The following PLD5 variants were observed in gnomAD, a reference collection of about 807,000 sequenced individuals.
The protein encoded by PLD5 is phospholipase D family member 5.
Under a neutral mutation model 61.1 loss-of-function variants are expected in PLD5, and 36 were observed. The ratio of observed to expected loss-of-function variants is 0.59; its 90% CI spans 0.45 to 0.78. PLD5 has a LOEUF of 0.78. Ranked by LOEUF, PLD5 falls within the 30% of genes least tolerant of loss-of-function variation. PLD5 has a pLI of 0.00. For synonymous variants in PLD5, 243 were observed against 242.8 expected (o/e 1.00, Z -0.01); for missense variants, 515 against 644.4 (o/e 0.80, Z 2.17).
chr1:242,369,983 C>A (rs1661545104), intron 1 of PLD5, among the ~76,000 whole-genome samples: 1 of 152,118 alleles, frequency 6.6e-6, no homozygotes, highest in East Asian at 1.9e-4. Flanking sequence ...TTCAACCCTC[C>A]ATTTTATGTT....
intron 5 of PLD5, among the ~76,000 whole-genome samples, chr1:242,164,167 G>GA (rs34329270): frequency 0.36 from 52,012 of 145,648 alleles, 9,217 homozygotes; most frequent in South Asian, 0.47. Context: ...TCTGAATGCA[G>GA]AAAAAAAAAA....
intron 5 of PLD5, among the ~76,000 whole-genome samples, chr1:242,186,801 G>A (rs749972125): frequency 6.6e-6 from 1 of 152,158 alleles, no homozygotes; most frequent in Non-Finnish European, 1.5e-5. Context: ...AGTCATGGAC[G>A]CAAAGGAATC....
chr1:242,157,502 T>G (rs1182893525), intron 5 of PLD5, among the ~76,000 whole-genome samples: 1 of 152,180 alleles, frequency 6.6e-6, no homozygotes, highest in East Asian at 1.9e-4. Context: ...TTATCTAACT[T>G]TGGTCTTTGA....
intron 2 of PLD5, among the ~76,000 whole-genome samples, chr1:242,341,254 G>C (rs1659815609): frequency 6.6e-6 from 1 of 150,878 alleles, no homozygotes; most frequent in Non-Finnish European, 1.5e-5. Flanking sequence ...AGTCTGTTAA[G>C]ACCACTCTAA....
chr1:242,338,592 TC>T (rs1659660530), intron 2 of PLD5, among the ~76,000 whole-genome samples: 1 of 152,278 alleles, frequency 6.6e-6, no homozygotes, highest in Non-Finnish European at 1.5e-5. Flanking sequence ...TTCTGCTGCT[TC>T]TCAGAGTGGT....
upstream of PLD5, among the ~76,000 whole-genome samples, chr1:242,525,302 G>C (rs1241271104): frequency 6.6e-6 from 1 of 151,362 alleles, no homozygotes; most frequent in Non-Finnish European, 1.5e-5. Context: ...TGTCCACCTA[G>C]AACCGGGCTC....
intron 8 of PLD5, among the ~76,000 whole-genome samples, chr1:242,103,113 C>T (rs1660806499): frequency 6.6e-6 from 1 of 152,078 alleles, no homozygotes; most frequent in Admixed American, 6.5e-5. Flanking sequence ...AGCAAATGTA[C>T]CATATGGTAT....
intron 1 of PLD5, among the ~76,000 whole-genome samples, chr1:242,482,315 G>A (rs1233233004): frequency 6.6e-6 from 1 of 152,088 alleles, no homozygotes; most frequent in Non-Finnish European, 1.5e-5. Context: ...CTTGAAAAAA[G>A]ATTAGATGAA....
At chr1:242,404,114 T>A (rs1055833601) in intron 1 of PLD5, among the ~76,000 whole-genome samples, 1 of 152,160 alleles carries the variant, frequency 6.6e-6, no homozygotes, top group African/African-American at 2.4e-5. Flanking sequence ...TGGAGCTCAC[T>A]GTCTAGAGAG....
Position 242,306,345 on chromosome 1 carries a change from T to G in PLD5, c.327-17815A>C, listed in dbSNP as rs575168036. 6.1e-4 allele frequency among the ~76,000 whole-genome samples: 93 copies of G among 151,328 alleles called. 1 individual carries two copies. The highest frequency in any genetic ancestry group is 2.2e-3 in the African/African-American group (90 of 41,224). On this transcript the variant is annotated intron_variant, in intron 2 of 9. Transcript: ENST00000536534. ...CACCACACACACATAGTACTTGATC[T>G]TCTTAGGATGGGTCATATGGTTACT...
chr1:242,391,778 G>A (rs939638030), intron 1 of PLD5, among the ~76,000 whole-genome samples: 1 of 152,196 alleles, frequency 6.6e-6, no homozygotes. Context: ...TTGGGGAGCA[G>A]TTAGGGAGGA....
intron 5 of PLD5, among the ~76,000 whole-genome samples, chr1:242,191,708 T>C (rs1454224531): frequency 6.6e-6 from 1 of 151,940 alleles, no homozygotes; most frequent in Non-Finnish European, 1.5e-5. Context: ...ACAGATAGAA[T>C]GCTAGACGTA....
At chr1:242,252,046 G>A (rs560316990) in intron 4 of PLD5, among the ~76,000 whole-genome samples, 64 of 152,298 alleles carry the variant, frequency 4.2e-4, no homozygotes, top group African/African-American at 1.5e-3. Context: ...GACATAGAGT[G>A]TGAGTATAGC....
intron 5 of PLD5, among the ~76,000 whole-genome samples, chr1:242,215,549 G>A (rs897568004): frequency 6.6e-6 from 1 of 152,196 alleles, no homozygotes; most frequent in African/African-American, 2.4e-5. Flanking sequence ...ATGGAAAGAT[G>A]TGAACAGTAA....
chr1:242,086,528 T>C lies in PLD5; in HGVS notation c.*3326A>G, dbSNP rs1659485905. Reference sequence around the variant, plus strand: ...TTGATAGGCTAGTGGCCAGTGACAATGCAGTGGAGGCCCACAGTATTGATC... The same window carrying C: ...TTGATAGGCTAGTGGCCAGTGACAACGCAGTGGAGGCCCACAGTATTGATC... On this transcript the variant is annotated 3_prime_UTR_variant, in exon 10 of 10. Transcript: ENST00000536534. 6.6e-6 allele frequency: 1 copy of C among 152,264 alleles called. No individual in the cohort carries two copies. The highest frequency in any genetic ancestry group is 2.4e-5 in the African/African-American group (1 of 41,524). The allele number at this position is 152,264 out of a possible 1,614,324, so 9.4% of individuals were successfully genotyped here. A position where few individuals can be genotyped will look rare whatever the true frequency, so the allele number is the denominator to read the frequency against.
At chr1:242,215,500 C>T (rs1259583879) in intron 5 of PLD5, among the ~76,000 whole-genome samples, 2 of 152,180 alleles carry the variant, frequency 1.3e-5, no homozygotes, top group Non-Finnish European at 2.9e-5. Context: ...TAGATATGCA[C>T]TTTGCTAAAA....
intron 5 of PLD5, among the ~76,000 whole-genome samples, chr1:242,219,135 T>C (rs961117052): frequency 3.3e-5 from 5 of 152,226 alleles, no homozygotes; most frequent in Non-Finnish European, 7.3e-5. Context: ...TAAATTAAAA[T>C]CTGTTCTAAT....
At chr1:242,440,635 TCA>T (rs1666229462) in intron 1 of PLD5, among the ~76,000 whole-genome samples, 1 of 152,234 alleles carries the variant, frequency 6.6e-6, no homozygotes. Flanking sequence ...AGCCCCAGAA[TCA>T]CAGAGATTTT....
At chr1:242,347,797 T>A (rs1398138252) in intron 2 of PLD5, among the ~76,000 whole-genome samples, 2 of 152,216 alleles carry the variant, frequency 1.3e-5, no homozygotes, top group East Asian at 3.9e-4. Context: ...CACTCCTTTT[T>A]ACAGGCTCAT....
Sources: gnomAD v4.1 joint callset for allele counts (sites outside exome capture counted in the v4.1 genomes callset) on GRCh38, gnomAD v4.1.1 for gene constraint, MANE v1.5 for transcripts, NCBI Gene and HGNC (gene_info 2026-07-23, HGNC 2026-07-21) for gene names.